IGSF11: variants seen among roughly 807,000 people sequenced by gnomAD.
IGSF11 encodes immunoglobulin superfamily member 11.
IGSF11 carries 22 observed loss-of-function variants against 41.0 expected under a neutral mutation model. The observed-to-expected ratio is 0.54, with a 90% CI of 0.38 to 0.77. The LOEUF is 0.77. IGSF11 is among the 30% of genes least tolerant of loss of function. IGSF11 has a pLI of 0.00. For missense variants in IGSF11, 444 were observed against 530.8 expected (o/e 0.84, Z 1.61); for synonymous variants, 219 against 201.3 (o/e 1.09, Z -0.74).
chr3:118,998,520 A>G (rs1175053930), intron 1 of IGSF11, among the ~76,000 whole-genome samples: 3 of 152,056 alleles, frequency 2.0e-5, no homozygotes, highest in Non-Finnish European at 4.4e-5. Context: ...CATAACATCA[A>G]ACTGACTTCT....
chr3:119,046,619 A>T (rs373656687), intron 1 of IGSF11, among the ~76,000 whole-genome samples: 1 of 151,926 alleles, frequency 6.6e-6, no homozygotes. Context: ...GCAGGCCAAC[A>T]TTCAGATTCA....
Position 118,926,228 on chromosome 3 carries a change from G to A in IGSF11, c.453C>T (p.Ile151=). 1 of 1,607,860 alleles carries A rather than the reference G, an allele frequency of 6.2e-7. No homozygotes were observed. The highest frequency in any genetic ancestry group is 1.1e-5 in the South Asian group (1 of 90,460). ...LVPPSAPHCQ[I]QGSQDIGSDV... ...CGCTGCCAATATCCTGGGATCCTTG[G>A]ATTTGGCAGTGTGGGGCAGAAGGGG... The change falls in exon 4 of 7, where the codon ATC becomes ATT. Residue 151 remains isoleucine (I), a synonymous_variant. Transcript: ENST00000393775.
intron 1 of IGSF11, among the ~76,000 whole-genome samples, chr3:118,955,079 G>C (rs902848921): frequency 6.6e-6 from 1 of 152,078 alleles, no homozygotes; most frequent in Non-Finnish European, 1.5e-5. Flanking sequence ...AGGAAAAAAT[G>C]TCATTATATG....
At chr3:118,992,957 G>T (rs1276660171) in intron 1 of IGSF11, among the ~76,000 whole-genome samples, 1 of 152,194 alleles carries the variant, frequency 6.6e-6, no homozygotes, top group Non-Finnish European at 1.5e-5. Context: ...AAGGTCAGGT[G>T]CATCACATCT....
intron 1 of IGSF11, among the ~76,000 whole-genome samples, chr3:119,053,558 G>A (rs1941709381): frequency 6.6e-6 from 1 of 152,138 alleles, no homozygotes; most frequent in African/African-American, 2.4e-5. Context: ...TCATGGATGG[G>A]TAGAATCAAT....
intron 1 of IGSF11, among the ~76,000 whole-genome samples, chr3:118,973,559 T>G (rs1391704644): frequency 6.6e-6 from 1 of 152,116 alleles, no homozygotes; most frequent in Non-Finnish European, 1.5e-5. Flanking sequence ...CATCCTGATC[T>G]CTCCTAAAGG....
chr3:118,938,167 T>A (rs76251588), intron 1 of IGSF11, among the ~76,000 whole-genome samples: 3,942 of 152,232 alleles, frequency 0.026, 144 homozygotes, highest in African/African-American at 0.09. Flanking sequence ...CAGCAGTATC[T>A]CCAAAAACTT....
intron 1 of IGSF11, among the ~76,000 whole-genome samples, chr3:119,060,566 CACA>C (rs1325108768): frequency 1.3e-5 from 2 of 152,174 alleles, no homozygotes; most frequent in African/African-American, 4.8e-5. Context: ...TTTAAATCCT[CACA>C]ACAATGCTGT....
intron 1 of IGSF11, among the ~76,000 whole-genome samples, chr3:118,948,707 T>C (rs1255316263): frequency 6.6e-6 from 1 of 152,154 alleles, no homozygotes; most frequent in African/African-American, 2.4e-5. Context: ...GGCTCACGCC[T>C]GTAATCCCAG....
At chr3:118,974,806 A>AT (rs1199267101) in intron 1 of IGSF11, among the ~76,000 whole-genome samples, 1 of 151,602 alleles carries the variant, frequency 6.6e-6, no homozygotes, top group African/African-American at 2.4e-5. Context: ...TTCTCTTATC[A>AT]TTTTCTTTAT....
intron 1 of IGSF11, among the ~76,000 whole-genome samples, chr3:119,124,710 G>A (rs1003089935): frequency 2.6e-5 from 4 of 152,024 alleles, no homozygotes; most frequent in Admixed American, 6.6e-5. Flanking sequence ...AGTTATTGGC[G>A]TTAAAGAGGA....
intron 1 of IGSF11, among the ~76,000 whole-genome samples, chr3:118,981,562 C>A (rs1201389124): frequency 6.6e-6 from 1 of 152,186 alleles, no homozygotes; most frequent in African/African-American, 2.4e-5. Context: ...CTTCCCTGTT[C>A]CTCAATGTGA....
upstream of IGSF11, among the ~76,000 whole-genome samples, chr3:119,038,902 T>C (rs1941010816): frequency 6.6e-6 from 1 of 152,200 alleles, no homozygotes; most frequent in African/African-American, 2.4e-5. Flanking sequence ...GACCTTGATT[T>C]ATTAAAAATG....
chr3:118,975,377 A>AAAAAAAAAAAAAG (rs1933970670), intron 1 of IGSF11, among the ~76,000 whole-genome samples: 2 of 152,118 alleles, frequency 1.3e-5, no homozygotes, highest in Admixed American at 6.5e-5. Context: ...AAAAAAAAAA[A>AAAAAAAAAAAAAG]AAGATGTGCT....
intron 1 of IGSF11, among the ~76,000 whole-genome samples, chr3:119,062,120 G>C (rs1942072754): frequency 6.6e-6 from 1 of 152,058 alleles, no homozygotes; most frequent in Admixed American, 6.6e-5. Flanking sequence ...GTGCCTACCT[G>C]ATAATCAGCC....
At chr3:118,955,648 A>C (rs181722828) in intron 1 of IGSF11, among the ~76,000 whole-genome samples, 7 of 152,214 alleles carry the variant, frequency 4.6e-5, no homozygotes, top group Non-Finnish European at 8.8e-5. Flanking sequence ...AGGTCTCGAC[A>C]GGTGGCTTAA....
At chr3:119,002,711 A>C (rs1418079537) in intron 1 of IGSF11, among the ~76,000 whole-genome samples, 50 of 126,766 alleles carry the variant, frequency 3.9e-4, no homozygotes, top group South Asian at 5.7e-4. Context: ...TTTTCCCAGC[A>C]CCATTTATTA....
intron 1 of IGSF11, among the ~76,000 whole-genome samples, chr3:119,045,137 G>T (rs180895183): frequency 1.3e-3 from 199 of 152,378 alleles, no homozygotes; most frequent in Non-Finnish European, 1.5e-3. Flanking sequence ...ACAAAAGGGA[G>T]GAGCCCAGAT....
intron 1 of IGSF11, among the ~76,000 whole-genome samples, chr3:118,945,471 A>T (rs1944054574): frequency 6.6e-6 from 1 of 152,230 alleles, no homozygotes; most frequent in Admixed American, 6.5e-5. Context: ...GCCGTGGTGA[A>T]ATTCAAAAAT....
Sources: allele counts gnomAD v4.1 joint callset (sites outside exome capture counted in the v4.1 genomes callset), GRCh38; gene constraint gnomAD v4.1.1; transcripts MANE v1.5; gene names NCBI Gene and HGNC (gene_info 2026-07-23, HGNC 2026-07-21).